The following CDK14 variants were observed in gnomAD, a reference collection of about 807,000 sequenced individuals.
The protein encoded by CDK14 is cyclin-dependent kinase 14.
A neutral mutation model predicts 60.7 loss-of-function variants in CDK14; 34 were observed. That is an observed-to-expected ratio of 0.56 (90% CI 0.43 to 0.75). The LOEUF (loss-of-function observed/expected upper bound fraction) is 0.75, where lower values mean the gene tolerates loss of function less well. Ranked by LOEUF, CDK14 falls within the 30% of genes least tolerant of loss-of-function variation. CDK14 has a pLI of 0.00. For missense variants in CDK14, 482 were observed against 564.1 expected, an observed-to-expected ratio of 0.85 and a Z score of 1.47; for synonymous variants, 197 against 203.7, an observed-to-expected ratio of 0.97 and a Z score of 0.28.
At chr7:90,970,704 T>C (rs181423016) in intron 9 of CDK14, among the ~76,000 whole-genome samples, 7 of 152,332 alleles carry the variant, frequency 4.6e-5, no homozygotes, top group African/African-American at 1.7e-4. Context: ...TCAAGTAAAT[T>C]GTACAGTGGA....
chr7:90,773,611 A>T (rs1804873075), intron 4 of CDK14, among the ~76,000 whole-genome samples: 1 of 152,176 alleles, frequency 6.6e-6, no homozygotes, highest in South Asian at 2.1e-4. Flanking sequence ...GACTCAAGTG[A>T]TCCTCCTGCC....
rs183710701 is a variant in CDK14 at position 90,631,644 on chromosome 7, A to G, written c.123+27395A>G. Among the ~76,000 whole-genome samples, 11 of 152,304 alleles carry G rather than the reference A, an allele frequency of 7.2e-5. No individual in the cohort carries two copies. The East Asian group carries it at 2.1e-3, about 29-fold the overall frequency. On this transcript the variant is annotated intron_variant, in intron 2 of 14. Transcript: ENST00000380050. Reference sequence around the variant, plus strand: ...TTGTTCAGCAGTTGGTTTGGAGTGGACCACAAAGCTCAGAGGCAAAAGAGT... The same window carrying G: ...TTGTTCAGCAGTTGGTTTGGAGTGGGCCACAAAGCTCAGAGGCAAAAGAGT...
In CDK14 at chr7:90,819,506, A is replaced by G. The variant is rs56189019; in HGVS notation, c.544+28854A>G. 3.5e-3 allele frequency among the ~76,000 whole-genome samples: 527 copies of G among 150,544 alleles called. 3 individuals carry two copies. The highest frequency in any genetic ancestry group is 0.012 in the African/African-American group (495 of 40,986). On this transcript the variant is annotated intron_variant, in intron 5 of 14. Transcript: ENST00000380050. Reference sequence around the variant, plus strand: ...TGGAGTTTTTTTTTTTTTAAATTTCATGGAAAGAAACATGTAGAAAATTGT... The same window carrying G: ...TGGAGTTTTTTTTTTTTTAAATTTCGTGGAAAGAAACATGTAGAAAATTGT...
chr7:90,995,286 C>T (rs1361353746), intron 10 of CDK14, among the ~76,000 whole-genome samples: 2 of 152,116 alleles, frequency 1.3e-5, no homozygotes, highest in Admixed American at 6.5e-5. Context: ...ATGTTTCCAG[C>T]CAACAGCCAG....
intron 5 of CDK14, among the ~76,000 whole-genome samples, chr7:90,825,523 A>T (rs994868555): frequency 1.3e-5 from 2 of 152,210 alleles, no homozygotes; most frequent in African/African-American, 2.4e-5. Flanking sequence ...TTTATATCTT[A>T]CTTAGAGTGG....
At chr7:90,879,863 C>T (rs1791686193) in intron 6 of CDK14, among the ~76,000 whole-genome samples, 1 of 151,458 alleles carries the variant, frequency 6.6e-6, no homozygotes, top group Non-Finnish European at 1.5e-5. Flanking sequence ...CTGAAAGCAA[C>T]ACGGGAAAGG....
At chr7:90,972,506 A>G (rs1794959889) in intron 9 of CDK14, among the ~76,000 whole-genome samples, 1 of 152,252 alleles carries the variant, frequency 6.6e-6, no homozygotes, top group Non-Finnish European at 1.5e-5. Flanking sequence ...TTTTACATAT[A>G]TATACATTCC....
At chr7:90,863,334 CAT>C in intron 6 of CDK14, 65 bp downstream of exon 6, 1 of 945,858 alleles carries the variant, frequency 1.1e-6, no homozygotes, top group Non-Finnish European at 1.6e-6. Flanking sequence ...ATAGTGTTGT[CAT>C]AGAATTTCGT....
At chr7:91,177,575 C>T (rs948051867) in intron 14 of CDK14, among the ~76,000 whole-genome samples, 8 of 152,056 alleles carry the variant, frequency 5.3e-5, no homozygotes, top group South Asian at 2.1e-4. Context: ...TGTCTCAGCC[C>T]GAAATCTCCT....
chr7:91,008,449 G>T (rs911444302), intron 10 of CDK14, among the ~76,000 whole-genome samples: 3 of 152,166 alleles, frequency 2.0e-5, no homozygotes, highest in Non-Finnish European at 4.4e-5. Flanking sequence ...GTCATTGTTT[G>T]AGGTTTCATG....
intron 2 of CDK14, among the ~76,000 whole-genome samples, chr7:90,673,791 A>G (rs904716912): frequency 6.6e-6 from 1 of 152,190 alleles, no homozygotes; most frequent in African/African-American, 2.4e-5. Flanking sequence ...CTTTGCTTTC[A>G]TAGTTACTGC....
At chr7:90,778,062 T>C (rs545302402) in intron 4 of CDK14, among the ~76,000 whole-genome samples, 2 of 152,342 alleles carry the variant, frequency 1.3e-5, no homozygotes, top group South Asian at 4.1e-4. Context: ...TGGCTGTCTC[T>C]TGCAGTCCCC....
intron 5 of CDK14, among the ~76,000 whole-genome samples, chr7:90,833,176 A>G (rs949903452): frequency 5.3e-5 from 8 of 152,202 alleles, no homozygotes; most frequent in African/African-American, 1.9e-4. Flanking sequence ...TTCTATAAAG[A>G]TGGGGATGCT....
At chr7:91,090,870 T>C (rs1401959847) in intron 12 of CDK14, among the ~76,000 whole-genome samples, 1 of 152,044 alleles carries the variant, frequency 6.6e-6, no homozygotes, top group Non-Finnish European at 1.5e-5. Context: ...CAGTCTAAGC[T>C]CTGTCACTCG....
chr7:90,769,510 A>C (rs1420727231), intron 4 of CDK14, among the ~76,000 whole-genome samples: 3 of 146,500 alleles, frequency 2.0e-5, no homozygotes, highest in Non-Finnish European at 3.0e-5. Flanking sequence ...TCTGTCACGC[A>C]GGCTGGAATA....
intron 5 of CDK14, among the ~76,000 whole-genome samples, chr7:90,861,462 G>A (rs1180340138): frequency 6.6e-6 from 1 of 152,158 alleles, no homozygotes; most frequent in Non-Finnish European, 1.5e-5. Flanking sequence ...GGGTGTGGAG[G>A]ACTTAATCAA....
intron 2 of CDK14, among the ~76,000 whole-genome samples, chr7:90,658,553 T>TCCACTG (rs1800799354): frequency 6.6e-6 from 1 of 152,242 alleles, no homozygotes; most frequent in African/African-American, 2.4e-5. Context: ...GATCTTAGCA[T>TCCACTG]CCACTGTATG....
At chr7:90,612,864 C>A (rs1799574139) in intron 2 of CDK14, among the ~76,000 whole-genome samples, 1 of 151,484 alleles carries the variant, frequency 6.6e-6, no homozygotes, top group Non-Finnish European at 1.5e-5. Context: ...ATGCTATGAA[C>A]CTTCCATGCA....
intron 11 of CDK14, among the ~76,000 whole-genome samples, chr7:91,071,068 T>A (rs1798128936): frequency 6.6e-6 from 1 of 152,118 alleles, no homozygotes; most frequent in Non-Finnish European, 1.5e-5. Flanking sequence ...AAAGAAAATG[T>A]CATACCATAT....
Sources: gnomAD v4.1 joint callset for allele counts (sites outside exome capture counted in the v4.1 genomes callset) on GRCh38, gnomAD v4.1.1 for gene constraint, MANE v1.5 for transcripts, NCBI Gene and HGNC (gene_info 2026-07-23, HGNC 2026-07-21) for gene names.